Variants in MGAM observed in about 807,000 individuals in gnomAD.
MGAM encodes the protein alpha-1,4-glucosidase.
MGAM carries 253 observed loss-of-function variants against 358.8 expected under a neutral mutation model. The observed-to-expected ratio is 0.71, with a 90% confidence interval of 0.64 to 0.78. The LOEUF is 0.78. Among genes scored for constraint, MGAM ranks in the 30% least tolerant of loss-of-function variants. The pLI is 0.00. For missense variants in MGAM, 3,080 were observed against 3,432.6 expected (o/e 0.90, Z 2.57); for synonymous variants, 1,105 against 1,227.1 (o/e 0.90, Z 2.08).
At chr7:142,040,296 A>C in intron 20 of MGAM, 125 bp downstream of exon 20, 1 of 760,218 alleles carries the variant, frequency 1.3e-6, no homozygotes, top group Middle Eastern at 2.3e-4. Flanking sequence ...GTTTTCTGTA[A>C]TTTCATAGCA....
intron 1 of MGAM, among the ~76,000 whole-genome samples, chr7:142,000,766 T>C (rs1554450361): frequency 6.6e-6 from 1 of 152,180 alleles, no homozygotes; most frequent in Admixed American, 6.5e-5. Flanking sequence ...AAGGGATGAA[T>C]TTCTATAAAT....
At chr7:142,024,287 G>A (rs1164122033) in intron 7 of MGAM, among the ~76,000 whole-genome samples, 6 of 151,846 alleles carry the variant, frequency 4.0e-5, no homozygotes, top group Admixed American at 2.6e-4. Context: ...AGTGGCACAC[G>A]CCTGTAATCC....
intron 21 of MGAM, among the ~76,000 whole-genome samples, chr7:142,047,265 T>C (rs1810485035): frequency 6.6e-6 from 1 of 152,212 alleles, no homozygotes; most frequent in Non-Finnish European, 1.5e-5. Context: ...TTAGAATGAT[T>C]TGTTTTTCTT....
chr7:142,067,447 G>A (rs1812863783), intron 42 of MGAM, 22 bp downstream of exon 42: 4 of 1,531,850 alleles, frequency 2.6e-6, no homozygotes, highest in African/African-American at 1.3e-5. Context: ...GGCCTCCGAT[G>A]AGGGGAGGAT....
At chr7:142,019,856 C>T (rs1463525404) in intron 4 of MGAM, among the ~76,000 whole-genome samples, 1 of 152,056 alleles carries the variant, frequency 6.6e-6, no homozygotes, top group African/African-American at 2.4e-5. Flanking sequence ...ATCACCTGAG[C>T]TCAGGAGTTT....
intron 58 of MGAM, 74 bp from the exon 59 acceptor site, chr7:142,092,447 T>C: frequency 1.5e-6 from 2 of 1,356,834 alleles, no homozygotes; most frequent in African/African-American, 1.4e-5. Flanking sequence ...ATGTATTCAC[T>C]GCTTCCTTGG....
At chr7:142,059,178 G>A (rs1033923067) in intron 31 of MGAM, among the ~76,000 whole-genome samples, 1 of 152,234 alleles carries the variant, frequency 6.6e-6, no homozygotes, top group Admixed American at 6.5e-5. Context: ...GATAGTGGCA[G>A]TTTACAAAGC....
At chr7:142,105,487 C>T (rs568426044) in intron 70 of MGAM, among the ~76,000 whole-genome samples, 15 of 152,142 alleles carry the variant, frequency 9.9e-5, no homozygotes, top group African/African-American at 3.1e-4. Context: ...GGGGTTTCAC[C>T]ATGTTGGCCA....
In MGAM at chr7:142,008,597, G is replaced by A. The variant is rs563862188; in HGVS notation, c.219G>A (p.Thr73=). The A allele has an allele frequency of 2.0e-5, 33 of 1,612,934 alleles. No homozygotes were observed. Among genetic ancestry groups the A allele is most frequent in the Middle Eastern group, 1.7e-4 (1 of 6,058 alleles). The change falls in exon 3 of 71, where the codon ACG becomes ACA. Residue 73 remains threonine, a synonymous_variant. Transcript: ENST00000475668. ...CTGGTACCACACATGCTAGGACAACGGGTCCCCCAGATCCTGGAACAACTG... is the reference window on the plus strand; with the variant it reads ...CTGGTACCACACATGCTAGGACAACAGGTCCCCCAGATCCTGGAACAACTG... ...GTTGTTHART[T]GPPDPGTTGT... is the part of the protein sequence containing the mutation.
At chr7:142,001,706 A>G (rs782312281) in intron 1 of MGAM, among the ~76,000 whole-genome samples, 1 of 152,180 alleles carries the variant, frequency 6.6e-6, no homozygotes, top group Non-Finnish European at 1.5e-5. Flanking sequence ...ATACCAGAGC[A>G]AGCCAACCAG....
intron 13 of MGAM, 86 bp downstream of exon 13, chr7:142,031,879 G>T (rs925392869): frequency 5.7e-5 from 49 of 862,718 alleles, no homozygotes; most frequent in Non-Finnish European, 8.6e-5. Flanking sequence ...CAGAGCATAG[G>T]GAGAGGAGGA....
At chr7:141,986,900 G>A (rs558173405) in intron 2 of MGAM, among the ~76,000 whole-genome samples, 2 of 152,236 alleles carry the variant, frequency 1.3e-5, no homozygotes, top group Admixed American at 6.5e-5. Context: ...CAAACAATTG[G>A]GAGGGACTTT....
At position 142,022,515 on chromosome 7, in the gene MGAM, T is replaced by C. The variant is rs903253090; in HGVS notation, c.882+76T>C. On this transcript the variant is annotated intron_variant, in intron 7 of 70. Transcript: ENST00000475668. ...AAAGGTCACCTCTAGTATTACAGTGTAGTGTTTAAGAGTTAGAGTCTAGAG... is the reference window on the plus strand; with the variant it reads ...AAAGGTCACCTCTAGTATTACAGTGCAGTGTTTAAGAGTTAGAGTCTAGAG... 13 of 1,470,818 alleles carry C rather than the reference T, an allele frequency of 8.8e-6. No homozygotes were observed. The Admixed American group carries it at 1.2e-4, about 14-fold the overall frequency. 91.1% of individuals were successfully genotyped at this position (1,470,818 alleles called of 1,614,324 possible).
At chr7:142,088,822 CATCTATCTATCTATCTATCTATCTATCT>C (rs71166559) in intron 57 of MGAM, among the ~76,000 whole-genome samples, 1 of 124,742 alleles carries the variant, frequency 8.0e-6, no homozygotes, top group Non-Finnish European at 1.8e-5. Flanking sequence ...ATCTATGTAC[CATCTATCTATCTATCTATCTATCTATCT>C]ATCTATCTAT....
At chr7:142,037,677 C>G (rs1341891091) in intron 18 of MGAM, among the ~76,000 whole-genome samples, 1 of 152,090 alleles carries the variant, frequency 6.6e-6, no homozygotes, top group African/African-American at 2.4e-5. Flanking sequence ...GTTAAATTAT[C>G]TGATATTTTG....
intron 17 of MGAM, 73 bp downstream of exon 17, chr7:142,036,358 A>G (rs1807996877): frequency 8.3e-7 from 1 of 1,203,606 alleles, no homozygotes; most frequent in Non-Finnish European, 1.2e-6. Context: ...CATCCTTGCC[A>G]AGAGATCTGC....
chr7:142,017,240 C>A (rs1350937584), intron 3 of MGAM, among the ~76,000 whole-genome samples: 2 of 152,082 alleles, frequency 1.3e-5, no homozygotes, highest in Non-Finnish European at 1.5e-5. Context: ...ATTATTTTGG[C>A]AGTTTCTCTT....
In MGAM at chr7:142,002,130, T is replaced by C. The variant is rs537653887; in HGVS notation, c.-2-3399T>C. ...ATAGAATAAAAAAATAAGACACTAATGAAATGTTTAGCACATGTGTCTTTT... is the reference window on the plus strand; with the variant it reads ...ATAGAATAAAAAAATAAGACACTAACGAAATGTTTAGCACATGTGTCTTTT... On this transcript the variant is annotated intron_variant, in intron 1 of 70. Coordinates refer to ENST00000475668, the MANE Select transcript of MGAM (RefSeq NM_001365693.1). Among the ~76,000 whole-genome samples, 13 of 152,250 alleles carry C rather than the reference T, an allele frequency of 8.5e-5. No individual in the cohort carries two copies. The East Asian group carries it at 2.5e-3, about 29-fold the overall frequency.
intron 21 of MGAM, 126 bp downstream of exon 21, chr7:142,040,972 T>C: frequency 1.7e-6 from 2 of 1,164,522 alleles, no homozygotes; most frequent in African/African-American, 1.6e-5. Context: ...GTTGCAGTTT[T>C]AGCACCAAAA....
Sources: allele counts gnomAD v4.1 joint callset (sites outside exome capture counted in the v4.1 genomes callset), GRCh38; gene constraint gnomAD v4.1.1; transcripts MANE v1.5; gene names NCBI Gene and HGNC (gene_info 2026-07-23, HGNC 2026-07-21).